Variants in SH3RF2 observed in about 807,000 individuals in gnomAD.
SH3RF2 encodes the protein SH3 domain containing ring finger 2, also known as E3 ubiquitin-protein ligase SH3RF2.
In SH3RF2, 43 loss-of-function variants were observed where a neutral mutation model predicts 59.0. That is an observed-to-expected ratio of 0.73 (90% CI 0.57 to 0.94). The LOEUF (loss-of-function observed/expected upper bound fraction) is 0.94, where lower values mean the gene tolerates loss of function less well. Among genes scored for constraint, SH3RF2 ranks in the 40% least tolerant of loss-of-function variants. The probability of loss-of-function intolerance (pLI) is 0.00; values close to 1 mark genes in which losing one functional copy is unlikely to be tolerated. For synonymous variants in SH3RF2, 391 were observed against 391.5 expected (o/e 1.00, Z 0.01); for missense variants, 930 against 940.1 (o/e 0.99, Z 0.14).
intron 2 of SH3RF2, among the ~76,000 whole-genome samples, chr5:145,956,689 G>A (rs914221283): frequency 6.6e-6 from 1 of 152,126 alleles, no homozygotes; most frequent in Non-Finnish European, 1.5e-5. Flanking sequence ...AAGAAGTGAT[G>A]GGAATAATCC....
At chr5:145,974,083 G>C (rs1759191363) in intron 2 of SH3RF2, among the ~76,000 whole-genome samples, 1 of 152,176 alleles carries the variant, frequency 6.6e-6, no homozygotes, top group Non-Finnish European at 1.5e-5. Flanking sequence ...TTCCAGGCTT[G>C]CTCAGGTTGT....
At chr5:145,969,299 C>T (rs1397621689) in intron 2 of SH3RF2, among the ~76,000 whole-genome samples, 1 of 152,112 alleles carries the variant, frequency 6.6e-6, no homozygotes, top group African/African-American at 2.4e-5. Flanking sequence ...AAAAAACTCT[C>T]AAGTCTAAAT....
chr5:146,071,190 C>T (rs1229040820), intron 9 of SH3RF2, among the ~76,000 whole-genome samples: 1 of 152,140 alleles, frequency 6.6e-6, no homozygotes. Context: ...TAAAACAGGC[C>T]TGGAGGTCCA....
chr5:145,961,542 T>A lies in SH3RF2; in HGVS notation c.378+23236T>A, dbSNP rs541639242. 1.8e-4 allele frequency among the ~76,000 whole-genome samples: 28 copies of A among 152,314 alleles called. No homozygotes were observed. The South Asian group carries it at 5.6e-3, about 30-fold the overall frequency. On this transcript the variant is annotated intron_variant, in intron 2 of 9. Transcript: ENST00000359120. ...ATGCCTAAAATACAGGACATAATCA[T>A]GGCGAATAGTTGTTAAAAGGATTGA...
chr5:146,062,366 C>T (rs1762928220), intron 9 of SH3RF2, 60 bp from the exon 10 acceptor site: 1 of 1,568,534 alleles, frequency 6.4e-7, no homozygotes, highest in African/African-American at 1.4e-5. Flanking sequence ...TGGGGACAAG[C>T]ATGGGGAAAT....
intron 6 of SH3RF2, 148 bp downstream of exon 6, chr5:146,048,011 T>C (rs957752393): frequency 1.6e-5 from 12 of 773,420 alleles, no homozygotes; most frequent in Admixed American, 1.3e-4. Context: ...AGTGAAATAA[T>C]GGTGAAAAAC....
exon 10 of SH3RF2, chr5:146,081,233 T>A (rs1763421035): frequency 6.6e-6 from 1 of 152,192 alleles, no homozygotes; most frequent in Admixed American, 6.5e-5. Context: ...GTCTCTCACT[T>A]CAATATCTAG....
rs1368729341 is a variant in SH3RF2, at chr5:145,992,110, G to A, written c.379-7948G>A. Reference sequence around the variant, plus strand: ...AAACAGGCCTGGTGCAATGCCTCACGCCTATAATCCTAGCACTTTGGGAGG... The same window carrying A: ...AAACAGGCCTGGTGCAATGCCTCACACCTATAATCCTAGCACTTTGGGAGG... On this transcript the variant is annotated intron_variant, in intron 2 of 9. Transcript: ENST00000359120. Among the ~76,000 whole-genome samples the A allele has an allele frequency of 5.9e-5, 9 of 152,090 alleles. No homozygotes were observed. The South Asian group carries it at 6.2e-4, about 11-fold the overall frequency.
intron 2 of SH3RF2, among the ~76,000 whole-genome samples, chr5:145,988,301 T>C (rs970561516): frequency 2.6e-5 from 4 of 151,612 alleles, no homozygotes; most frequent in African/African-American, 9.7e-5. Context: ...AGTCACATTG[T>C]TAGCTTAGAC....
In SH3RF2 at chr5:146,061,492, C is replaced by A. The variant is rs535019752; in HGVS notation, c.1915-934C>A. 3.9e-5 allele frequency among the ~76,000 whole-genome samples: 6 copies of A among 152,264 alleles called. No homozygotes were observed. The South Asian group carries it at 1.2e-3, about 32-fold the overall frequency. On this transcript the variant is annotated intron_variant, in intron 9 of 9. Coordinates refer to ENST00000359120, the MANE Select transcript of SH3RF2 (RefSeq NM_152550.4). ...TATAAGCATTTCATAAATGCCCAGA[C>A]CTTGGCTAGATATTAGGAGGATCAG...
chr5:146,030,285 T>C (rs1281567553), intron 5 of SH3RF2, among the ~76,000 whole-genome samples: 1 of 152,178 alleles, frequency 6.6e-6, no homozygotes, highest in African/African-American at 2.4e-5. Flanking sequence ...TGTGCCCATG[T>C]CGTTTCATTC....
intron 5 of SH3RF2, among the ~76,000 whole-genome samples, chr5:146,035,115 A>G (rs898757200): frequency 3.9e-5 from 6 of 152,116 alleles, no homozygotes; most frequent in Non-Finnish European, 7.4e-5. Flanking sequence ...CAAAAAAAAA[A>G]AAAGAACAGA....
chr5:146,024,026 T>C (rs1335602655), intron 5 of SH3RF2, among the ~76,000 whole-genome samples: 1 of 152,244 alleles, frequency 6.6e-6, no homozygotes, highest in East Asian at 1.9e-4. Context: ...GCGTTTGGGT[T>C]GTTTTTACTT....
chr5:145,972,147 A>G (rs1483576622), intron 2 of SH3RF2, among the ~76,000 whole-genome samples: 1 of 152,196 alleles, frequency 6.6e-6, no homozygotes, highest in African/African-American at 2.4e-5. Context: ...TCCGTACTGT[A>G]CTACTCACTA....
At chr5:146,049,920 C>T (rs1762437228) in intron 7 of SH3RF2, 1 of 152,902 alleles carries the variant, frequency 6.5e-6, no homozygotes, top group African/African-American at 2.4e-5. Flanking sequence ...CCTCCTGCCT[C>T]CACCCCCGAT....
intron 7 of SH3RF2, among the ~76,000 whole-genome samples, chr5:146,052,110 G>A (rs149471051): frequency 6.6e-6 from 1 of 152,116 alleles, no homozygotes; most frequent in African/African-American, 2.4e-5. Context: ...CCACGACTAG[G>A]GCATTTGCTT....
At chr5:146,078,123 G>C (rs986552902) in intron 9 of SH3RF2, among the ~76,000 whole-genome samples, 6 of 152,286 alleles carry the variant, frequency 3.9e-5, no homozygotes, top group African/African-American at 1.4e-4. Context: ...GTAGTAATTG[G>C]TTCAGGCAAT....
At chr5:146,063,709 A>C (rs1762976797), downstream of SH3RF2, among the ~76,000 whole-genome samples, 1 of 152,054 alleles carries the variant, frequency 6.6e-6, no homozygotes, top group African/African-American at 2.4e-5. Context: ...AAAATACAAA[A>C]ATTAGCCAGG....
Position 145,937,857 on chromosome 5 carries a change from G to GC in SH3RF2, c.-67dup. On this transcript the variant is annotated 5_prime_UTR_variant, in exon 2 of 10. The change creates a premature stop within an existing upstream ORF in the 5' untranslated region. Coordinates refer to ENST00000359120, the MANE Select transcript of SH3RF2 (RefSeq NM_152550.4). ...CTGACGTTCTCAAGAGACCAGCTCTGCCCCCGTGGCTCAACTGACCCTACC... is the reference window on the plus strand; with the variant it reads ...CTGACGTTCTCAAGAGACCAGCTCTGCCCCCCGTGGCTCAACTGACCCTACC... 3.3e-6 allele frequency: 5 copies of GC among 1,529,096 alleles called. No individual in the cohort carries two copies. Among genetic ancestry groups the GC allele is most frequent in the Non-Finnish European group, 3.5e-6 (4 of 1,139,096 alleles). 94.7% of individuals were successfully genotyped at this position (1,529,096 alleles called of 1,614,324 possible).
Sources: gnomAD v4.1 joint callset for allele counts (sites outside exome capture counted in the v4.1 genomes callset) on GRCh38, gnomAD v4.1.1 for gene constraint, MANE v1.5 for transcripts, NCBI Gene and HGNC (gene_info 2026-07-23, HGNC 2026-07-21) for gene names.